The following ELMO1 variants were observed in gnomAD, a reference collection of about 807,000 sequenced individuals.
ELMO1 encodes the protein engulfment and cell motility 1, also known as engulfment and cell motility protein 1.
Under a neutral mutation model 98.9 loss-of-function variants are expected in ELMO1, and 26 were observed. The ratio of observed to expected loss-of-function variants is 0.26; its 90% confidence interval spans 0.19 to 0.36. The LOEUF (loss-of-function observed/expected upper bound fraction) is 0.36, where lower values mean the gene tolerates loss of function less well. Ranked by LOEUF, ELMO1 falls within the 10% of genes least tolerant of loss-of-function variation. The pLI is 1.00. For missense variants in ELMO1, 627 were observed against 935.2 expected, an observed-to-expected ratio of 0.67 and a Z score of 4.30; for synonymous variants, 346 against 346.0, an observed-to-expected ratio of 1.00 and a Z score of 0.00.
intron 13 of ELMO1, among the ~76,000 whole-genome samples, chr7:37,182,054 G>A (rs1584774041): frequency 1.3e-5 from 2 of 151,804 alleles, no homozygotes; most frequent in South Asian, 4.2e-4. Flanking sequence ...ATTTACATCC[G>A]TTTTGCCCAA....
chr7:36,897,558 G>A (rs1375189340), intron 16 of ELMO1, among the ~76,000 whole-genome samples: 3 of 152,140 alleles, frequency 2.0e-5, no homozygotes, highest in African/African-American at 7.2e-5. Context: ...ATTGTCCAGG[G>A]AAAGGGAGGA....
At chr7:36,938,089 G>A (rs536613501) in intron 16 of ELMO1, among the ~76,000 whole-genome samples, 1 of 152,288 alleles carries the variant, frequency 6.6e-6, no homozygotes, top group African/African-American at 2.4e-5. Flanking sequence ...TATACTGACT[G>A]CTGCCCAGGC....
At chr7:36,931,633 A>G (rs912969065) in intron 16 of ELMO1, among the ~76,000 whole-genome samples, 2 of 152,214 alleles carry the variant, frequency 1.3e-5, no homozygotes, top group African/African-American at 2.4e-5. Context: ...CATCTCCCCA[A>G]TCACCACACT....
At chr7:36,869,277 T>C (rs17170755) in intron 20 of ELMO1, among the ~76,000 whole-genome samples, 17,294 of 152,220 alleles carry the variant, frequency 0.11, 1,064 homozygotes, top group Middle Eastern at 0.22. Flanking sequence ...AGGTGAGTTA[T>C]AGAACTTAAG....
chr7:37,197,269 C>G (rs751087938), intron 13 of ELMO1: 21 of 152,218 alleles, frequency 1.4e-4, no homozygotes, highest in Non-Finnish European at 2.4e-4. Flanking sequence ...AGGGCCAGTT[C>G]TTATGTAACC....
At chr7:37,028,716 A>G (rs553216204) in intron 15 of ELMO1, among the ~76,000 whole-genome samples, 53 of 152,258 alleles carry the variant, frequency 3.5e-4, no homozygotes, top group African/African-American at 1.2e-3. Flanking sequence ...CCAAGTACCT[A>G]GGACTATAAG....
At chr7:37,027,923 T>C (rs1339569619) in intron 15 of ELMO1, among the ~76,000 whole-genome samples, 2 of 151,972 alleles carry the variant, frequency 1.3e-5, no homozygotes, top group Non-Finnish European at 2.9e-5. Context: ...GAAAAGGACA[T>C]AATCTGAGTA....
In ELMO1 at chr7:37,202,560, C is replaced by T. The variant is rs759964749; in HGVS notation, c.1086+8826G>A. ...GAGAATTCACCAGGTTTTGGGGATG[C>T]GGTATTTTGGTATAGCAGCCATTTC... On this transcript the variant is annotated intron_variant, in intron 13 of 21. Transcript: ENST00000310758. Among the ~76,000 whole-genome samples, 6 of 152,190 alleles carry T rather than the reference C, an allele frequency of 3.9e-5. No individual in the cohort carries two copies. In the East Asian group the frequency reaches 5.8e-4, roughly 15 times the overall value.
chr7:36,952,706 T>G (rs1030557310), intron 16 of ELMO1, among the ~76,000 whole-genome samples: 1 of 152,140 alleles, frequency 6.6e-6, no homozygotes, highest in Non-Finnish European at 1.5e-5. Context: ...GGGAAAAAAC[T>G]GAATACATTC....
At chr7:37,268,225 C>T (rs1332155884) in intron 5 of ELMO1, among the ~76,000 whole-genome samples, 1 of 152,208 alleles carries the variant, frequency 6.6e-6, no homozygotes, top group African/African-American at 2.4e-5. Flanking sequence ...CACTACTCAG[C>T]TCTGCATATA....
chr7:37,292,747 G>A (rs1562588215), intron 4 of ELMO1, among the ~76,000 whole-genome samples: 1 of 98,148 alleles, frequency 1.0e-5, no homozygotes. Context: ...GGGGGGGTCA[G>A]CCCCCCGCCC....
intron 15 of ELMO1, among the ~76,000 whole-genome samples, chr7:37,086,584 A>G (rs1783792466): frequency 6.6e-6 from 1 of 151,524 alleles, no homozygotes; most frequent in African/African-American, 2.4e-5. Context: ...CTCTACTAAA[A>G]ATACAAAAAT....
At chr7:37,350,916 G>A (rs1218536280) in intron 1 of ELMO1, among the ~76,000 whole-genome samples, 3 of 152,168 alleles carry the variant, frequency 2.0e-5, no homozygotes, top group Non-Finnish European at 4.4e-5. Flanking sequence ...GCCCTCAGAA[G>A]GAACCAACAC....
chr7:37,371,045 C>T (rs1802096234), intron 1 of ELMO1, among the ~76,000 whole-genome samples: 1 of 152,152 alleles, frequency 6.6e-6, no homozygotes, highest in East Asian at 1.9e-4. Flanking sequence ...TTAACTGTCC[C>T]ATATTCATAA....
At chr7:37,361,520 C>G (rs964104700) in intron 1 of ELMO1, among the ~76,000 whole-genome samples, 2 of 152,176 alleles carry the variant, frequency 1.3e-5, no homozygotes, top group South Asian at 4.1e-4. Flanking sequence ...AAGACCATCC[C>G]GCCTGTAAGC....
intron 15 of ELMO1, among the ~76,000 whole-genome samples, chr7:37,044,381 A>G (rs1226954254): frequency 6.6e-6 from 1 of 152,226 alleles, no homozygotes; most frequent in Non-Finnish European, 1.5e-5. Flanking sequence ...CATGTGTTAT[A>G]TACTAATACT....
Position 37,081,516 on chromosome 7 carries a change from G to A in ELMO1, c.1300+15103C>T, listed in dbSNP as rs1257135105. On this transcript the variant is annotated intron_variant, in intron 15 of 21. Coordinates refer to ENST00000310758, the MANE Select transcript of ELMO1 (RefSeq NM_014800.11). ...CTTCCATCATTCCCATGTGTTGTGG[G>A]AGGGACCCAGTGGGAGATAACTGAA... Among the ~76,000 whole-genome samples, 3 of 152,200 alleles carry A rather than the reference G, an allele frequency of 2.0e-5. No homozygotes were observed. The East Asian group carries it at 5.8e-4, about 29-fold the overall frequency.
rs1296760962 is a variant in ELMO1 at position 36,887,704 on chromosome 7, T to C, written c.1602-32A>G. On this transcript the variant is annotated intron_variant, in intron 17 of 21. Coordinates refer to ENST00000310758, the MANE Select transcript of ELMO1 (RefSeq NM_014800.11). ...GAGGAAAAACACATATTCCACAGCA[T>C]GCCTTGAGAAACAGAGTGTGGCTTG... The C allele has an allele frequency of 3.1e-6, 5 of 1,605,676 alleles. No homozygotes were observed. In the East Asian group the frequency reaches 8.9e-5, roughly 29 times the overall value.
chr7:37,170,710 G>A (rs58222397), intron 13 of ELMO1, among the ~76,000 whole-genome samples: 29,664 of 150,718 alleles, frequency 0.2, 4,141 homozygotes, highest in African/African-American at 0.4. Context: ...AGGTTCAAGC[G>A]ATTCTTGTGC....
Sources: allele counts gnomAD v4.1 joint callset (sites outside exome capture counted in the v4.1 genomes callset), GRCh38; gene constraint gnomAD v4.1.1; transcripts MANE v1.5; gene names NCBI Gene and HGNC (gene_info 2026-07-23, HGNC 2026-07-21).